PRR5L: variants seen among roughly 807,000 people sequenced by gnomAD.
The protein encoded by PRR5L is proline rich 5 like.
PRR5L carries 21 observed loss-of-function variants against 36.4 expected under a neutral mutation model. The observed-to-expected ratio is 0.58, with a 90% confidence interval of 0.41 to 0.83. The LOEUF is 0.83. PRR5L is among the 40% of genes least tolerant of loss of function. The probability of loss-of-function intolerance (pLI) is 0.00; values close to 1 mark genes in which losing one functional copy is unlikely to be tolerated. For missense variants in PRR5L, 381 were observed against 473.3 expected, an observed-to-expected ratio of 0.80 and a Z score of 1.81; for synonymous variants, 188 against 197.0, an observed-to-expected ratio of 0.95 and a Z score of 0.38.
In PRR5L at chr11:36,409,394, G is replaced by T. The variant is rs55727997; in HGVS notation, c.245+6016G>T. ...ACCCTGCTTCTGTTCTTGTTGGGAG[G>T]GGGGAGGTGGTGTGAAGAAAACCCC... On this transcript the variant is annotated intron_variant, in intron 3 of 8. Coordinates refer to ENST00000530639, the MANE Select transcript of PRR5L (RefSeq NM_001160167.2). Among the ~76,000 whole-genome samples, 7 of 152,174 alleles carry T rather than the reference G, an allele frequency of 4.6e-5. No homozygotes were observed. In the East Asian group the frequency reaches 7.7e-4, roughly 17 times the overall value.
At chr11:36,359,484 A>T (rs560130746) in intron 1 of PRR5L, among the ~76,000 whole-genome samples, 1 of 152,294 alleles carries the variant, frequency 6.6e-6, no homozygotes, top group South Asian at 2.1e-4. Context: ...ATTAATTATC[A>T]TTTTATTCTG....
intron 1 of PRR5L, among the ~76,000 whole-genome samples, chr11:36,373,696 C>T (rs1378775744): frequency 6.6e-6 from 1 of 151,298 alleles, no homozygotes; most frequent in African/African-American, 2.5e-5. Context: ...CCCTTTCAGT[C>T]CTTCAATACT....
chr11:36,447,262 GT>G (rs1858849597), intron 7 of PRR5L, among the ~76,000 whole-genome samples: 1 of 152,240 alleles, frequency 6.6e-6, no homozygotes, highest in African/African-American at 2.4e-5. Flanking sequence ...AACCTAGTAA[GT>G]TTGTGTGCTT....
chr11:36,445,458 C>G (rs1270305416), intron 6 of PRR5L, among the ~76,000 whole-genome samples: 1 of 151,474 alleles, frequency 6.6e-6, no homozygotes, highest in Non-Finnish European at 1.5e-5. Context: ...TTGGCTCTAC[C>G]AAGAACAACT....
chr11:36,304,953 GCAAA>G (rs1856414938), intron 1 of PRR5L, among the ~76,000 whole-genome samples: 1 of 152,158 alleles, frequency 6.6e-6, no homozygotes, highest in Non-Finnish European at 1.5e-5. Flanking sequence ...CAGCTGCTTT[GCAAA>G]CAGTCTGTGC....
intron 1 of PRR5L, among the ~76,000 whole-genome samples, chr11:36,336,427 G>A (rs1856769511): frequency 6.6e-6 from 1 of 150,950 alleles, no homozygotes; most frequent in Non-Finnish European, 1.5e-5. Context: ...ACTGAGTTTT[G>A]CCATGTTGCC....
chr11:36,301,982 G>A (rs2133448525), intron 1 of PRR5L, among the ~76,000 whole-genome samples: 1 of 152,336 alleles, frequency 6.6e-6, no homozygotes, highest in South Asian at 2.1e-4. Flanking sequence ...TACAGAGGGA[G>A]AGAAGGAGAG....
At chr11:36,340,327 G>A (rs1856806231) in intron 1 of PRR5L, among the ~76,000 whole-genome samples, 1 of 152,220 alleles carries the variant, frequency 6.6e-6, no homozygotes, top group Admixed American at 6.5e-5. Context: ...GCCAAGTGCA[G>A]ATGGGGTATG....
At chr11:36,391,273 A>G (rs1857560206) in intron 1 of PRR5L, among the ~76,000 whole-genome samples, 1 of 152,162 alleles carries the variant, frequency 6.6e-6, no homozygotes, top group Non-Finnish European at 1.5e-5. Flanking sequence ...GCCCTAGTGG[A>G]ATTCATTTGC....
chr11:36,415,083 G>A (rs1354267060), intron 3 of PRR5L, among the ~76,000 whole-genome samples: 4 of 150,490 alleles, frequency 2.7e-5, no homozygotes, highest in Admixed American at 2.6e-4. Context: ...CTCTGTTTTG[G>A]TAGCAGTACC....
intron 8 of PRR5L, among the ~76,000 whole-genome samples, chr11:36,460,949 C>T (rs1420016977): frequency 2.6e-5 from 4 of 152,258 alleles, no homozygotes; most frequent in Admixed American, 2.6e-4. Context: ...GTTCTGCCAT[C>T]CTAAAGGTCC....
chr11:36,309,183 G>C (rs1856468641), intron 1 of PRR5L, among the ~76,000 whole-genome samples: 1 of 152,116 alleles, frequency 6.6e-6, no homozygotes, highest in Non-Finnish European at 1.5e-5. Context: ...GAGTTGTTTT[G>C]GTGAGTTTCT....
At chr11:36,405,351 G>T (rs1857887513) in intron 3 of PRR5L, among the ~76,000 whole-genome samples, 1 of 152,168 alleles carries the variant, frequency 6.6e-6, no homozygotes, top group Non-Finnish European at 1.5e-5. Flanking sequence ...TTAAATGTTG[G>T]TAAATAATCC....
At chr11:36,311,775 ATCTTTCTCCTC>A (rs1359977918) in intron 1 of PRR5L, among the ~76,000 whole-genome samples, 4 of 152,180 alleles carry the variant, frequency 2.6e-5, no homozygotes, top group African/African-American at 9.7e-5. Flanking sequence ...ATGTCTATCT[ATCTTTCTCCTC>A]TCTGAGCTCT....
chr11:36,355,449 C>T (rs1056902837), intron 1 of PRR5L, among the ~76,000 whole-genome samples: 10 of 151,916 alleles, frequency 6.6e-5, no homozygotes, highest in Admixed American at 1.3e-4. Flanking sequence ...GATTTAGAAG[C>T]GGAGGCACAA....
chr11:36,419,341 C>CCCCCACATGCATGATA, intron 4 of PRR5L, 38 bp downstream of exon 4: 1 of 1,564,668 alleles, frequency 6.4e-7, no homozygotes, highest in Non-Finnish European at 8.8e-7. Context: ...CATTATCATG[C>CCCCCACATGCATGATA]ATGTGGGGGC....
At chr11:36,392,432 C>G (rs991963109) in intron 1 of PRR5L, among the ~76,000 whole-genome samples, 4 of 152,138 alleles carry the variant, frequency 2.6e-5, no homozygotes, top group Non-Finnish European at 5.9e-5. Flanking sequence ...ACATTCCCAC[C>G]AACAGTATAT....
rs1260285280 is a variant in PRR5L at position 36,464,684 on chromosome 11, TC to T, written c.*1950del. 10 of 152,234 alleles carry T rather than the reference TC, an allele frequency of 6.6e-5. No homozygotes were observed. The highest frequency in any genetic ancestry group is 2.4e-4 in the African/African-American group (10 of 41,468). 9.4% of individuals were successfully genotyped at this position (152,234 alleles called of 1,614,324 possible). A position where few individuals can be genotyped will look rare whatever the true frequency, so the allele number is the denominator to read the frequency against. ...AACATTTGAGACTAGTATTTATTGA[TC>T]CAGGCAAAGTAATTAATTAATCATG... On this transcript the variant is annotated 3_prime_UTR_variant, in exon 9 of 9. Transcript: ENST00000530639.
intron 1 of PRR5L, among the ~76,000 whole-genome samples, chr11:36,329,938 C>T (rs1856702126): frequency 6.6e-6 from 1 of 152,220 alleles, no homozygotes; most frequent in Non-Finnish European, 1.5e-5. Context: ...AAAGCATTGA[C>T]TCCATAAAGT....
Sources: allele counts gnomAD v4.1 joint callset (sites outside exome capture counted in the v4.1 genomes callset), GRCh38; gene constraint gnomAD v4.1.1; transcripts MANE v1.5; gene names NCBI Gene and HGNC (gene_info 2026-07-23, HGNC 2026-07-21).